The following PDZRN4 variants were observed in gnomAD, a reference collection of about 807,000 sequenced individuals.
The protein encoded by PDZRN4 is PDZ domain-containing RING finger protein 4.
In PDZRN4, 70 loss-of-function variants were observed where a neutral mutation model predicts 99.0. The observed-to-expected ratio is 0.71, with a 90% CI of 0.58 to 0.86. The LOEUF is 0.86. Ranked by LOEUF, PDZRN4 falls within the 40% of genes least tolerant of loss-of-function variation. The probability of loss-of-function intolerance (pLI) is 0.00; values close to 1 mark genes in which losing one functional copy is unlikely to be tolerated. For missense variants in PDZRN4, 1,474 were observed against 1,331.2 expected, an observed-to-expected ratio of 1.11 and a Z score of -1.67; for synonymous variants, 551 against 501.6, an observed-to-expected ratio of 1.10 and a Z score of -1.32.
Position 41,460,614 on chromosome 12 carries a change from T to C in PDZRN4, c.844-45842T>C, listed in dbSNP as rs144012602. Among the ~76,000 whole-genome samples, 3 of 152,348 alleles carry C rather than the reference T, an allele frequency of 2.0e-5. No individual in the cohort carries two copies. The East Asian group carries it at 5.8e-4, about 29-fold the overall frequency. On this transcript the variant is annotated intron_variant, in intron 3 of 9. Transcript: ENST00000402685. ...AATATATTTTTGAAATATTCAAATG[T>C]GTCTTAGAAGTTGTGACGTATTTTG...
chr12:41,498,876 A>G (rs1453107889), intron 3 of PDZRN4, among the ~76,000 whole-genome samples: 3 of 152,174 alleles, frequency 2.0e-5, no homozygotes, highest in Non-Finnish European at 4.4e-5. Flanking sequence ...TACTTTTGAT[A>G]GTAAAGTTAA....
intron 5 of PDZRN4, among the ~76,000 whole-genome samples, chr12:41,510,236 A>C (rs944791558): frequency 7.9e-5 from 12 of 152,142 alleles, no homozygotes; most frequent in Admixed American, 7.9e-4. Flanking sequence ...TATATTTAAA[A>C]CAAAGATTGT....
intron 3 of PDZRN4, among the ~76,000 whole-genome samples, chr12:41,195,249 A>G (rs1023615209): frequency 2.6e-5 from 4 of 152,152 alleles, no homozygotes; most frequent in Non-Finnish European, 5.9e-5. Flanking sequence ...CAGTGAGTTT[A>G]TTTCCAATGG....
intron 3 of PDZRN4, among the ~76,000 whole-genome samples, chr12:41,468,137 T>C (rs184594405): frequency 8.1e-4 from 123 of 151,992 alleles, no homozygotes; most frequent in African/African-American, 2.9e-3. Context: ...GTAATAGGAG[T>C]GTGGGCAAAG....
At chr12:41,553,433 A>C (rs1939092976) in intron 6 of PDZRN4, among the ~76,000 whole-genome samples, 1 of 152,218 alleles carries the variant, frequency 6.6e-6, no homozygotes, top group South Asian at 2.1e-4. Context: ...TTAAAAATTA[A>C]GGCTGGGCAC....
intron 3 of PDZRN4, among the ~76,000 whole-genome samples, chr12:41,231,951 T>C (rs1265970988): frequency 2.0e-5 from 3 of 152,068 alleles, no homozygotes; most frequent in African/African-American, 7.2e-5. Flanking sequence ...GTATATTAAA[T>C]TTAAAAATCA....
intron 3 of PDZRN4, among the ~76,000 whole-genome samples, chr12:41,196,770 T>C (rs1378604085): frequency 6.6e-6 from 1 of 152,090 alleles, no homozygotes; most frequent in African/African-American, 2.4e-5. Context: ...TGAGAAGAAA[T>C]CTATCAATTT....
chr12:41,438,813 G>A (rs963757536), intron 3 of PDZRN4, among the ~76,000 whole-genome samples: 2 of 152,198 alleles, frequency 1.3e-5, no homozygotes, highest in African/African-American at 4.8e-5. Flanking sequence ...GTTCCCCTGG[G>A]AGTGTATGCT....
intron 5 of PDZRN4, among the ~76,000 whole-genome samples, chr12:41,513,407 A>C (rs1938343070): frequency 6.6e-6 from 1 of 152,128 alleles, no homozygotes; most frequent in Non-Finnish European, 1.5e-5. Context: ...GAAAAGTCTC[A>C]GAGACCAGTC....
intron 3 of PDZRN4, among the ~76,000 whole-genome samples, chr12:41,400,846 T>A (rs866797554): frequency 6.6e-6 from 1 of 152,190 alleles, no homozygotes; most frequent in Admixed American, 6.6e-5. Flanking sequence ...TCCAGGGAAA[T>A]ATAGCCAACT....
intron 3 of PDZRN4, among the ~76,000 whole-genome samples, chr12:41,328,588 T>A (rs184924781): frequency 0.026 from 3,932 of 152,222 alleles, 58 homozygotes; most frequent in Non-Finnish European, 0.032. Flanking sequence ...CAACTTTTTT[T>A]AAAAAACATT....
At chr12:41,362,201 C>T (rs1951968238) in intron 3 of PDZRN4, among the ~76,000 whole-genome samples, 1 of 151,982 alleles carries the variant, frequency 6.6e-6, no homozygotes, top group South Asian at 2.1e-4. Flanking sequence ...ATTGTTAGTA[C>T]TGCCACAATC....
chr12:41,251,587 A>C (rs928104035), intron 3 of PDZRN4, among the ~76,000 whole-genome samples: 1 of 152,166 alleles, frequency 6.6e-6, no homozygotes, highest in Non-Finnish European at 1.5e-5. Context: ...ATGTTATAAA[A>C]AGTTAGTTTA....
At chr12:41,287,643 G>GCTAACTCTAAAAAC (rs1951430137) in intron 3 of PDZRN4, among the ~76,000 whole-genome samples, 1 of 152,134 alleles carries the variant, frequency 6.6e-6, no homozygotes, top group African/African-American at 2.4e-5. Context: ...TGTTTTTAGA[G>GCTAACTCTAAAAAC]TTAGGCACTT....
At chr12:41,470,471 C>T (rs1952976522) in intron 3 of PDZRN4, among the ~76,000 whole-genome samples, 1 of 149,760 alleles carries the variant, frequency 6.7e-6, no homozygotes, top group South Asian at 2.1e-4. Flanking sequence ...CTACCTCTGT[C>T]ATTCCCTGTG....
chr12:41,386,738 C>G (rs1396272965), intron 3 of PDZRN4, among the ~76,000 whole-genome samples: 1 of 152,148 alleles, frequency 6.6e-6, no homozygotes, highest in African/African-American at 2.4e-5. Context: ...CACAGGGATA[C>G]AGTAACCAAA....
rs896448589 is a variant in PDZRN4, at chr12:41,438,141, G to A, written c.844-68315G>A. ...TTCAGAATTGAGGGCAGACTTGCTG[G>A]TTTGGGGCTTTTAATTTTGGTTTTG... On this transcript the variant is annotated intron_variant, in intron 3 of 9. Transcript: ENST00000402685. 7.0e-6 allele frequency: 8 copies of A among 1,135,008 alleles called. No individual in the cohort carries two copies. The African/African-American group carries it at 9.4e-5, about 13-fold the overall frequency. The allele number at this position is 1,135,008 out of a possible 1,614,324, so 70.3% of individuals were successfully genotyped here.
rs555688971 is a variant in PDZRN4 at position 41,246,877 on chromosome 12, C to A, written c.843+52689C>A. Among the ~76,000 whole-genome samples the A allele has an allele frequency of 6.6e-5, 10 of 152,266 alleles. No individual in the cohort carries two copies. The South Asian group carries it at 1.9e-3, about 28-fold the overall frequency. Reference sequence around the variant, plus strand: ...CATTGCTCCATACAGACATTCTATACAGTTAATTTTTTTTCTATTTACTCT... The same window carrying A: ...CATTGCTCCATACAGACATTCTATAAAGTTAATTTTTTTTCTATTTACTCT... On this transcript the variant is annotated intron_variant, in intron 3 of 9. Coordinates refer to ENST00000402685, the MANE Select transcript of PDZRN4 (RefSeq NM_001164595.2).
intron 3 of PDZRN4, among the ~76,000 whole-genome samples, chr12:41,268,376 C>T (rs1009332766): frequency 6.6e-6 from 1 of 152,150 alleles, no homozygotes; most frequent in African/African-American, 2.4e-5. Flanking sequence ...TGTGTTTTTA[C>T]TTGTGTCTGG....
Sources: allele counts gnomAD v4.1 joint callset (sites outside exome capture counted in the v4.1 genomes callset), GRCh38; gene constraint gnomAD v4.1.1; transcripts MANE v1.5; gene names NCBI Gene and HGNC (gene_info 2026-07-23, HGNC 2026-07-21).